Variants in FOXJ3 observed in about 807,000 individuals in gnomAD.
FOXJ3 encodes forkhead box J3, also known as forkhead box protein J3.
A neutral mutation model predicts 76.1 loss-of-function variants in FOXJ3; 22 were observed. The observed-to-expected ratio is 0.29, with a 90% CI of 0.21 to 0.41. The LOEUF (loss-of-function observed/expected upper bound fraction) is 0.41. Among genes scored for constraint, FOXJ3 ranks in the 10% least tolerant of loss-of-function variants. The pLI is 1.00. For missense variants in FOXJ3, 613 were observed against 762.1 expected (o/e 0.80, Z 2.30); for synonymous variants, 269 against 261.2 (o/e 1.03, Z -0.29).
chr1:42,262,238 T>G (rs1651099731), intron 4 of FOXJ3, among the ~76,000 whole-genome samples: 1 of 152,204 alleles, frequency 6.6e-6, no homozygotes, highest in South Asian at 2.1e-4. Context: ...CTTCCTTAAG[T>G]ACTTTTCCCT....
At chr1:42,208,205 G>A (rs1646896967) in intron 5 of FOXJ3, among the ~76,000 whole-genome samples, 1 of 152,204 alleles carries the variant, frequency 6.6e-6, no homozygotes, top group Non-Finnish European at 1.5e-5. Flanking sequence ...CACACAGTAA[G>A]TGCTGGCCAC....
At chr1:42,222,046 G>GAGAAGAAGAAGAAGAAGA (rs1161062102) in intron 5 of FOXJ3, among the ~76,000 whole-genome samples, 122 of 8,978 alleles carry the variant, frequency 0.014, no homozygotes, top group South Asian at 0.028. Context: ...GAAGGAGAAG[G>GAGAAGAAGAAGAAGAAGA]AGAAGAAGAA....
chr1:42,228,043 C>A, intron 4 of FOXJ3, 77 bp from the exon 5 acceptor site: 1 of 674,978 alleles, frequency 1.5e-6, no homozygotes, highest in Non-Finnish European at 2.4e-6. Flanking sequence ...TAATCCTTTG[C>A]ATCAAAAGCA....
chr1:42,244,898 T>C (rs1291411935), intron 4 of FOXJ3, among the ~76,000 whole-genome samples: 1 of 152,052 alleles, frequency 6.6e-6, no homozygotes, highest in Non-Finnish European at 1.5e-5. Context: ...ATTAAAAGTC[T>C]TGGCCAGGCG....
chr1:42,241,630 T>C (rs1371676846), intron 4 of FOXJ3, among the ~76,000 whole-genome samples: 1 of 152,180 alleles, frequency 6.6e-6, no homozygotes, highest in Non-Finnish European at 1.5e-5. Context: ...ACATGAGGTC[T>C]GGGGAATGGC....
intron 2 of FOXJ3, among the ~76,000 whole-genome samples, chr1:42,291,038 A>C (rs554735346): frequency 9.8e-6 from 1 of 102,412 alleles, no homozygotes; most frequent in South Asian, 3.7e-4. Flanking sequence ...AGATAGATAG[A>C]TAGATAGATA....
chr1:42,310,224 C>A (rs1216230197), intron 2 of FOXJ3, among the ~76,000 whole-genome samples: 3 of 150,826 alleles, frequency 2.0e-5, no homozygotes, highest in Non-Finnish European at 4.4e-5. Context: ...CGGCTTACTG[C>A]AACCTCCACC....
At chr1:42,253,877 C>T (rs343395) in intron 4 of FOXJ3, among the ~76,000 whole-genome samples, 96,541 of 144,424 alleles carry the variant, frequency 0.67, 32,736 homozygotes, top group Admixed American at 0.77. Context: ...AAAACCTAGG[C>T]ATTACCATTC....
At chr1:42,316,333 C>CGTTTTTTTTTTTTTTTTTTTTT (rs1322633444) in intron 1 of FOXJ3, among the ~76,000 whole-genome samples, 1 of 73,914 alleles carries the variant, frequency 1.4e-5, no homozygotes, top group African/African-American at 4.3e-5. Flanking sequence ...TGCATTGGGC[C>CGTTTTTTTTTTTTTTTTTTTTT]TTTTTTTTTT....
intron 4 of FOXJ3, among the ~76,000 whole-genome samples, chr1:42,251,897 T>C (rs979428798): frequency 6.6e-6 from 1 of 151,898 alleles, no homozygotes; most frequent in African/African-American, 2.4e-5. Flanking sequence ...TTTTGTATTT[T>C]TAGTAGAGAC....
chr1:42,218,043 T>C (rs1014033390), intron 5 of FOXJ3, among the ~76,000 whole-genome samples: 3 of 152,206 alleles, frequency 2.0e-5, no homozygotes, highest in African/African-American at 7.2e-5. Flanking sequence ...CCACATAATG[T>C]ACACTCAGTA....
At chr1:42,240,756 T>C (rs1207694475) in intron 4 of FOXJ3, among the ~76,000 whole-genome samples, 1 of 152,232 alleles carries the variant, frequency 6.6e-6, no homozygotes, top group Non-Finnish European at 1.5e-5. Flanking sequence ...TGTGAAACTT[T>C]TAGAAAAGAT....
chr1:42,324,125 A>AGTATATATACT (rs1655638969), intron 1 of FOXJ3, among the ~76,000 whole-genome samples: 2 of 52,946 alleles, frequency 3.8e-5, no homozygotes, highest in African/African-American at 1.8e-4. Context: ...GTATATACAC[A>AGTATATATACT]GTGTATATAC....
intron 1 of FOXJ3, among the ~76,000 whole-genome samples, chr1:42,314,554 C>CA (rs1179625471): frequency 1.3e-5 from 2 of 152,106 alleles, no homozygotes; most frequent in African/African-American, 4.8e-5. Context: ...GCCCAGCCCT[C>CA]AGTCTCTTTC....
chr1:42,334,086 T>C (rs975997391), intron 1 of FOXJ3: 29 of 896,666 alleles, frequency 3.2e-5, no homozygotes, highest in East Asian at 2.4e-4. Context: ...AGTAAAACCT[T>C]TGCTAACCAG....
chr1:42,215,029 A>C (rs564613366), intron 5 of FOXJ3, among the ~76,000 whole-genome samples: 2 of 152,354 alleles, frequency 1.3e-5, no homozygotes, highest in East Asian at 3.9e-4. Context: ...TATTCTATAG[A>C]TTATTATAGA....
chr1:42,191,727 CAAAG>C lies in FOXJ3; in HGVS notation c.935-12_935-9del. On this transcript the variant is annotated splice_polypyrimidine_tract_variant and intron_variant, in intron 8 of 12. Coordinates refer to ENST00000361346, the MANE Select transcript of FOXJ3 (RefSeq NM_014947.5). Reference sequence around the variant, plus strand: ...AAGGGATGTTCATCAAACCTAAAAACAAAGCAAGATCATTTATGGTCAGATTTCA... The same window carrying C: ...AAGGGATGTTCATCAAACCTAAAAACCAAGATCATTTATGGTCAGATTTCA... 1 of 1,604,936 alleles carries C rather than the reference CAAAG, an allele frequency of 6.2e-7. No homozygotes were observed. Among genetic ancestry groups the C allele is most frequent in the South Asian group, 1.1e-5 (1 of 90,890 alleles).
rs192901307 is a variant in FOXJ3, at chr1:42,267,663, A to G, written c.370-2474T>C. On this transcript the variant is annotated intron_variant, in intron 3 of 12. Transcript: ENST00000361346. ...AAGACTCAGGTGTTAGAACTATCAGAAAAAAAAAATTAAAATAACCATGCT... is the reference window on the plus strand; with the variant it reads ...AAGACTCAGGTGTTAGAACTATCAGGAAAAAAAAATTAAAATAACCATGCT... 6.0e-5 allele frequency among the ~76,000 whole-genome samples: 9 copies of G among 151,100 alleles called. 1 individual carries two copies. The highest frequency in any genetic ancestry group is 9.7e-5 in the African/African-American group (4 of 41,300).
intron 4 of FOXJ3, among the ~76,000 whole-genome samples, chr1:42,244,740 A>G (rs1649410908): frequency 6.6e-6 from 1 of 152,200 alleles, no homozygotes. Context: ...ACAGATCATC[A>G]GACTATTATG....
Sources: gnomAD v4.1 joint callset for allele counts (sites outside exome capture counted in the v4.1 genomes callset) on GRCh38, gnomAD v4.1.1 for gene constraint, MANE v1.5 for transcripts, NCBI Gene and HGNC (gene_info 2026-07-23, HGNC 2026-07-21) for gene names.